PKDCC: variants seen among roughly 807,000 people sequenced by gnomAD.
PKDCC encodes the protein extracellular tyrosine-protein kinase PKDCC.
In PKDCC, 35 loss-of-function variants were observed where a neutral mutation model predicts 44.7. The observed-to-expected ratio is 0.78, with a 90% confidence interval of 0.60 to 1.04. PKDCC has a LOEUF of 1.04. PKDCC is among the 50% of genes least tolerant of loss of function. PKDCC has a pLI of 0.00. For missense variants in PKDCC, 738 were observed against 672.7 expected (o/e 1.10, Z -1.07); for synonymous variants, 353 against 303.3 (o/e 1.16, Z -1.70).
rs1240260550 is a variant in PKDCC, at chr2:42,048,215, G to A, written c.16G>A (p.Ala6Thr). The A allele has an allele frequency of 3.1e-5, 37 of 1,208,216 alleles. No individual in the cohort carries two copies. The highest frequency in any genetic ancestry group is 3.4e-4 in the Middle Eastern group (1 of 2,980). The allele number at this position is 1,208,216 out of a possible 1,614,324, so 74.8% of individuals were successfully genotyped here. ...GAGGGGAGCGATGCGGCGCCGGCGG[G>A]CGGCAGTGGCCGCGGGTTTCTGCGC... Reference protein sequence around the residue: MRRRRAAVAAGFCASF... With the variant: MRRRRTAVAAGFCASF... Residue 6 changes from alanine (A) to threonine (T), a missense_variant, in exon 1 of 7, where the codon GCG becomes ACG. Coordinates refer to ENST00000294964, the MANE Select transcript of PKDCC (RefSeq NM_138370.3). The surrounding 1 kb of genome is among the most constrained non-coding windows in gnomAD (Gnocchi z 6.2).
chr2:42,054,619 A>G lies in PKDCC; in HGVS notation c.1034+312A>G, dbSNP rs866986731. ...CACCCAGGCCCTTGTGCTCTGGGAA[A>G]TTCCTCACTGGGCCCCAGCCATGGG... On this transcript the variant is annotated intron_variant, in intron 3 of 6. Coordinates refer to ENST00000294964, the MANE Select transcript of PKDCC (RefSeq NM_138370.3). The surrounding 1 kb of genome is among the most constrained non-coding windows in gnomAD (Gnocchi z 6.1). The G allele has an allele frequency of 6.1e-5, 33 of 536,606 alleles. No individual in the cohort carries two copies. Among genetic ancestry groups the G allele is most frequent in the South Asian group, 2.0e-4 (8 of 39,886 alleles). The allele number at this position is 536,606 out of a possible 1,614,324, so 33.2% of individuals were successfully genotyped here.
In PKDCC at chr2:42,051,712, A is replaced by G. The variant is rs1667971004; in HGVS notation, c.640-1527A>G. Reference sequence around the variant, plus strand: ...CTGGACTGATGGGGAGGGGGTGGAGAGAGAAGAGGGTGCCTGGAGCTGCCC... The same window carrying G: ...CTGGACTGATGGGGAGGGGGTGGAGGGAGAAGAGGGTGCCTGGAGCTGCCC... On this transcript the variant is annotated intron_variant, in intron 1 of 6. Coordinates refer to ENST00000294964, the MANE Select transcript of PKDCC (RefSeq NM_138370.3). This position sits in a 1 kb window ranked among gnomAD's most constrained non-coding sequence, Gnocchi z 4.2. 6.6e-6 allele frequency among the ~76,000 whole-genome samples: 1 copy of G among 151,784 alleles called. No homozygotes were observed. Among genetic ancestry groups the G allele is most frequent in the African/African-American group, 2.4e-5 (1 of 41,286 alleles).
In PKDCC at chr2:42,057,397, G is replaced by A. The variant is rs1311447327; in HGVS notation, c.1396+3G>A. The A allele has an allele frequency of 5.0e-6, 8 of 1,614,146 alleles. No individual in the cohort carries two copies. In the Middle Eastern group the frequency reaches 5.0e-4, roughly 100 times the overall value. On this transcript the variant is annotated splice_donor_region_variant and intron_variant, in intron 6 of 6. Coordinates refer to ENST00000294964, the MANE Select transcript of PKDCC (RefSeq NM_138370.3). ...CACCAACCAGACCACCTGGACAGGT[G>A]AGCCAGTGGGAGAAGCCCTTCCAAG...
In PKDCC at chr2:42,051,987, T is replaced by G. The variant is rs1485214236; in HGVS notation, c.640-1252T>G. The stretch of plus-strand genomic sequence containing the variant: ...TGTTTCTACCCCACAGGGTGCTGGT[T>G]GTTTTGAGCACCATACGAGCCCCTA... On this transcript the variant is annotated intron_variant, in intron 1 of 6. Transcript: ENST00000294964. The surrounding 1 kb of genome is among the most constrained non-coding windows in gnomAD (Gnocchi z 4.2). 6.6e-6 allele frequency among the ~76,000 whole-genome samples: 1 copy of G among 152,066 alleles called. No individual in the cohort carries two copies. Among genetic ancestry groups the G allele is most frequent in the Non-Finnish European group, 1.5e-5 (1 of 68,008 alleles).
In PKDCC at chr2:42,048,891, C is replaced by T; in HGVS notation, c.639+53C>T. Reference sequence around the variant, plus strand: ...GGTGTTGGCTGGGAGTGCCCAAGACCTTGTCAACCTGGCTGGAAGAGAACC... The same window carrying T: ...GGTGTTGGCTGGGAGTGCCCAAGACTTTGTCAACCTGGCTGGAAGAGAACC... On this transcript the variant is annotated intron_variant, in intron 1 of 6. Transcript: ENST00000294964. The surrounding 1 kb of genome is among the most constrained non-coding windows in gnomAD (Gnocchi z 6.2). 7.1e-7 allele frequency: 1 copy of T among 1,399,758 alleles called. No homozygotes were observed. Among genetic ancestry groups the T allele is most frequent in the South Asian group, 1.7e-5 (1 of 59,240 alleles). 86.7% of individuals were successfully genotyped at this position (1,399,758 alleles called of 1,614,324 possible). A position where few individuals can be genotyped will look rare whatever the true frequency, so the allele number is the denominator to read the frequency against.
In PKDCC at chr2:42,054,105, G is replaced by C; in HGVS notation, c.832G>C (p.Asp278His). The C allele has an allele frequency of 6.2e-7, 1 of 1,613,084 alleles. No homozygotes were observed. The part of the protein sequence containing the change: ...HSPLGSVTLL[D>H]FRPRQFVLVD... ...CCCACTGGGCTCCGTCACTCTGCTG[G>C]ACTTCCGCCCTCGGCAGTTTGTGCT... Residue 278 changes from aspartate to histidine, a missense_variant, in exon 3 of 7, where the codon GAC becomes CAC. Transcript: ENST00000294964. This position sits in a 1 kb window ranked among gnomAD's most constrained non-coding sequence, Gnocchi z 6.1.
At position 42,054,713 on chromosome 2, in the gene PKDCC, G is replaced by C. The variant is rs889876366; in HGVS notation, c.1035-228G>C. The C allele has an allele frequency of 8.4e-6, 5 of 594,018 alleles. No homozygotes were observed. The highest frequency in any genetic ancestry group is 4.5e-4 in the Middle Eastern group (1 of 2,232). 36.8% of individuals were successfully genotyped at this position (594,018 alleles called of 1,614,324 possible). ...GGGAGGTGGGCAAGTCCTGGGAAGG[G>C]TTGGGAAGCAGGCCCCTGGTTTCGG... On this transcript the variant is annotated intron_variant, in intron 3 of 6. Coordinates refer to ENST00000294964, the MANE Select transcript of PKDCC (RefSeq NM_138370.3). The surrounding 1 kb of genome is among the most constrained non-coding windows in gnomAD (Gnocchi z 6.1).
In PKDCC at chr2:42,054,023, T is replaced by C. The variant is rs767104597; in HGVS notation, c.763-13T>C. Reference sequence around the variant, plus strand: ...GAGAAAAGCAGTGAGCAGTCTTTTCTTGTGCCCCTCAGATCTGCCTGAGCC... The same window carrying C: ...GAGAAAAGCAGTGAGCAGTCTTTTCCTGTGCCCCTCAGATCTGCCTGAGCC... On this transcript the variant is annotated splice_polypyrimidine_tract_variant and intron_variant, in intron 2 of 6. Transcript: ENST00000294964. The surrounding 1 kb of genome is among the most constrained non-coding windows in gnomAD (Gnocchi z 6.1). The C allele has an allele frequency of 7.5e-6, 12 of 1,606,154 alleles. No individual in the cohort carries two copies. The highest frequency in any genetic ancestry group is 1.0e-5 in the Non-Finnish European group (12 of 1,175,900).
chr2:42,048,818 C>G lies in PKDCC; in HGVS notation c.619C>G (p.Arg207Gly). The change falls in exon 1 of 7, where the codon CGG becomes GGG. Residue 207 changes from arginine to glycine, a missense_variant. Transcript: ENST00000294964. The surrounding 1 kb of genome is among the most constrained non-coding windows in gnomAD (Gnocchi z 6.2). ...LKEMVLLERL[R>G]HPNVLQLYGY... ...GGAGATGGTGCTGCTGGAGCGGCTG[C>G]GGCACCCCAACGTGCTGCAGGTACG... 2.0e-6 allele frequency: 3 copies of G among 1,467,434 alleles called. No homozygotes were observed. Among genetic ancestry groups the G allele is most frequent in the Non-Finnish European group, 9.1e-7 (1 of 1,100,476 alleles). 90.9% of individuals were successfully genotyped at this position (1,467,434 alleles called of 1,614,324 possible). A position where few individuals can be genotyped will look rare whatever the true frequency, so the allele number is the denominator to read the frequency against.
chr2:42,048,145 CCGGGGCCGGGGCCGGGGAGCCGCG>C lies in PKDCC; in HGVS notation c.-45_-22del, dbSNP rs1158726723. The C allele has an allele frequency of 4.1e-5, 39 of 950,984 alleles. No homozygotes were observed. The highest frequency in any genetic ancestry group is 4.9e-5 in the South Asian group (1 of 20,446). The allele number at this position is 950,984 out of a possible 1,614,324, so 58.9% of individuals were successfully genotyped here. Reference sequence around the variant, plus strand: ...GGAGCCGCCTCGGAGCCTGAGCCGCCCGGGGCCGGGGCCGGGGAGCCGCGCGGGGCCGGCCGGCCGGGGGGAGGG... The same window carrying C: ...GGAGCCGCCTCGGAGCCTGAGCCGCCCGGGGCCGGCCGGCCGGGGGGAGGG... On this transcript the variant is annotated 5_prime_UTR_variant, in exon 1 of 7. Transcript: ENST00000294964. The surrounding 1 kb of genome is among the most constrained non-coding windows in gnomAD (Gnocchi z 6.2).
At chr2:42,050,800 A>C (rs1241349827) in intron 1 of PKDCC, among the ~76,000 whole-genome samples, 1 of 151,926 alleles carries the variant, frequency 6.6e-6, no homozygotes, top group Admixed American at 6.6e-5. Context: ...CTTTAGTGTG[A>C]GTTTAGGGAC....
At position 42,055,401 on chromosome 2, in the gene PKDCC, GC is replaced by G. The variant is rs756590518; in HGVS notation, c.1222+12del. On this transcript the variant is annotated intron_variant, in intron 5 of 6. Coordinates refer to ENST00000294964, the MANE Select transcript of PKDCC (RefSeq NM_138370.3). This position sits in a 1 kb window ranked among gnomAD's most constrained non-coding sequence, Gnocchi z 4.5. ...CGGCAAGCAGCAGTACCGGTGAGTG[GC>G]CCCAAGCTGATCCACAGGGAAGCAA... is the stretch of plus-strand genomic sequence containing the variant. The G allele has an allele frequency of 6.7e-5, 108 of 1,610,842 alleles. 1 individual carries two copies. The South Asian group carries it at 9.2e-4, about 14-fold the overall frequency.
Position 42,048,694 on chromosome 2 carries a change from C to A in PKDCC, c.495C>A (p.Leu165=). The A allele has an allele frequency of 6.4e-7, 1 of 1,551,512 alleles. No individual in the cohort carries two copies. The highest frequency in any genetic ancestry group is 8.7e-7 in the Non-Finnish European group (1 of 1,148,624). Residue 165 remains leucine (L), a synonymous_variant, in exon 1 of 7, where the codon CTC becomes CTA. Transcript: ENST00000294964. This position sits in a 1 kb window ranked among gnomAD's most constrained non-coding sequence, Gnocchi z 6.2. ...TGCCCGGCGGTGCCGCGGTGGCGCT[C>A]AAGGCGGTGGACTTTAGCGGCCACG... is the stretch of plus-strand genomic sequence containing the variant. The part of the protein sequence containing the change: ...VRLPGGAAVA[L]KAVDFSGHDL...
chr2:42,053,454 C>T, intron 2 of PKDCC, 93 bp downstream of exon 2: 2 of 1,479,082 alleles, frequency 1.4e-6, no homozygotes, highest in Non-Finnish European at 1.8e-6. Context: ...CACTCCTCCT[C>T]CACCCAGGGA....
intron 2 of PKDCC, among the ~76,000 whole-genome samples, chr2:42,053,785 ACC>A (rs1668007659): frequency 6.6e-6 from 1 of 151,930 alleles, no homozygotes; most frequent in South Asian, 2.1e-4. Flanking sequence ...TTATCCCCAG[ACC>A]CTCGCTGCTG....
Position 42,048,474 on chromosome 2 carries a change from CG to C in PKDCC, c.278del (p.Gly93AlafsTer137). 9.6e-7 allele frequency: 1 copy of C among 1,045,190 alleles called. No individual in the cohort carries two copies. The highest frequency in any genetic ancestry group is 1.1e-6 in the Non-Finnish European group (1 of 871,350). The allele number at this position is 1,045,190 out of a possible 1,614,324, so 64.7% of individuals were successfully genotyped here. On this transcript the variant is annotated frameshift_variant, in exon 1 of 7. Coordinates refer to ENST00000294964, the MANE Select transcript of PKDCC (RefSeq NM_138370.3). LOFTEE classifies it high-confidence loss of function. The surrounding 1 kb of genome is among the most constrained non-coding windows in gnomAD (Gnocchi z 6.2). ...PERRRLMDLA[P>X]GGPGLPRPRP... ...CGGCGGCGCCTGATGGACCTGGCTC[CG>C]GGCGGGCCCGGCCTGCCGCGCCCCC...
At position 42,057,388 on chromosome 2, in the gene PKDCC, T is replaced by C. The variant is rs1004668977; in HGVS notation, c.1390T>C (p.Trp464Arg). The C allele has an allele frequency of 6.2e-7, 1 of 1,614,044 alleles. No homozygotes were observed. The highest frequency in any genetic ancestry group is 1.3e-5 in the African/African-American group (1 of 74,922). The change falls in exon 6 of 7, where the codon TGG becomes CGG. Residue 464 changes from tryptophan (W) to arginine (R), a missense_variant. Trp to Arg is a moderately radical substitution (Grantham distance 101, BLOSUM62 -3). Transcript: ENST00000294964. ...RAFVVTNQTT[W>R]TGRQLVFFKT... ...CTTTGTGGTCACCAACCAGACCACC[T>C]GGACAGGTGAGCCAGTGGGAGAAGC...
At position 42,054,284 on chromosome 2, in the gene PKDCC, G is replaced by T; in HGVS notation, c.1011G>T (p.Lys337Asn). The change falls in exon 3 of 7, where the codon AAG becomes AAT. Residue 337 changes from lysine (K) to asparagine (N), a missense_variant. By Grantham distance (94) the Lys-to-Asn change is moderately conservative (BLOSUM62 0). Coordinates refer to ENST00000294964, the MANE Select transcript of PKDCC (RefSeq NM_138370.3). This position sits in a 1 kb window ranked among gnomAD's most constrained non-coding sequence, Gnocchi z 6.1. ...GCTGGTGCGAGGGCATGAACGAGAA[G>T]CGGAACCTCTATAATGCCTACAGGT... The part of the protein sequence containing the change: ...AQGWCEGMNE[K>N]RNLYNAYRFF... The T allele has an allele frequency of 1.2e-6, 2 of 1,605,442 alleles. No homozygotes were observed. The highest frequency in any genetic ancestry group is 1.7e-6 in the Non-Finnish European group (2 of 1,175,608).
chr2:42,056,499 A>G (rs574657565), intron 5 of PKDCC, among the ~76,000 whole-genome samples: 170 of 152,288 alleles, frequency 1.1e-3, no homozygotes, highest in Non-Finnish European at 1.4e-3. Flanking sequence ...TCTCTCCCCA[A>G]GGCCAGGAGA....
Sources: allele counts gnomAD v4.1 joint callset (sites outside exome capture counted in the v4.1 genomes callset), GRCh38; gene constraint gnomAD v4.1.1; non-coding constraint Gnocchi (gnomAD v3.1); transcripts MANE v1.5; gene names NCBI Gene and HGNC (gene_info 2026-07-23, HGNC 2026-07-21).